Variants in BANP observed in about 807,000 individuals in gnomAD.
The protein encoded by BANP is BTG3 associated nuclear protein, also known as protein BANP.
A neutral mutation model predicts 68.1 loss-of-function variants in BANP; 11 were observed. That is an observed-to-expected ratio of 0.16 (90% CI 0.10 to 0.27). The LOEUF (loss-of-function observed/expected upper bound fraction) is 0.27. Ranked by LOEUF, BANP falls within the 10% of genes least tolerant of loss-of-function variation. The pLI is 1.00. For synonymous variants in BANP, 329 were observed against 303.2 expected (o/e 1.09, Z -0.88); for missense variants, 504 against 722.7 (o/e 0.70, Z 3.47).
chr16:87,962,354 G>A (rs2059347015), intron 1 of BANP, among the ~76,000 whole-genome samples: 1 of 151,746 alleles, frequency 6.6e-6, no homozygotes, highest in African/African-American at 2.4e-5. Context: ...TATGTAATGT[G>A]TTAATTTGTA....
intron 4 of BANP, among the ~76,000 whole-genome samples, chr16:87,989,141 A>G (rs1005031812): frequency 3.2e-4 from 49 of 152,366 alleles, no homozygotes; most frequent in African/African-American, 1.2e-3. Flanking sequence ...ATTTGAAGCT[A>G]AAGTTGAATC....
intron 2 of BANP, among the ~76,000 whole-genome samples, chr16:87,977,640 C>T (rs992100045): frequency 2.6e-5 from 4 of 152,138 alleles, no homozygotes; most frequent in African/African-American, 9.7e-5. Context: ...TAAAAATTTC[C>T]CATAATTCTA....
At chr16:87,979,525 A>G (rs1598036764) in intron 2 of BANP, among the ~76,000 whole-genome samples, 1 of 151,988 alleles carries the variant, frequency 6.6e-6, no homozygotes, top group Non-Finnish European at 1.5e-5. Context: ...AGGTGGCTGG[A>G]GGGTTGGCAG....
At chr16:88,035,107 G>T in intron 9 of BANP, 2 of 561,252 alleles carry the variant, frequency 3.6e-6, no homozygotes, top group Non-Finnish European at 6.5e-6. Context: ...GTGGGGGTAG[G>T]GGGTGCTTCT....
rs745549832 is a variant in BANP at position 88,072,051 on chromosome 16, C to T, written c.1378-18C>T. On this transcript the variant is annotated intron_variant, in intron 12 of 13. Coordinates refer to ENST00000682872, the MANE Select transcript of BANP (RefSeq NM_001386991.1). ...TGTGGGCCACGCCGCTGACGGGCCC[C>T]CGTGTGTCTCCCTCCAGGTGCTGCA... 11 of 1,557,502 alleles carry T rather than the reference C, an allele frequency of 7.1e-6. No individual in the cohort carries two copies. The highest frequency in any genetic ancestry group is 8.7e-6 in the Non-Finnish European group (10 of 1,153,246).
rs528765049 is a variant in BANP, at chr16:88,033,769, G to A, written c.1200+524G>A. ...AGCAAGTCAATGTCCTGCCTTGCCC[G>A]TGCGGAGTTCTCTATTGGGGTTTTG... On this transcript the variant is annotated intron_variant, in intron 9 of 13. Transcript: ENST00000682872. Among the ~76,000 whole-genome samples the A allele has an allele frequency of 1.1e-4, 17 of 152,338 alleles. No individual in the cohort carries two copies. In the East Asian group the frequency reaches 2.7e-3, roughly 24 times the overall value.
At position 87,957,525 on chromosome 16, in the gene BANP, G is replaced by A. The variant is rs2058329160; in HGVS notation, c.-69+6010G>A. Among the ~76,000 whole-genome samples, 1 of 152,354 alleles carries A rather than the reference G, an allele frequency of 6.6e-6. No individual in the cohort carries two copies. Among genetic ancestry groups the A allele is most frequent in the Middle Eastern group, 3.4e-3 (1 of 294 alleles). ...TTTTGAGGCAAGCTCACGGAGGCCT[G>A]CCGCAGGGCCCTGCGCTGACAAACC... On this transcript the variant is annotated intron_variant, in intron 1 of 13. Coordinates refer to ENST00000682872, the MANE Select transcript of BANP (RefSeq NM_001386991.1). This position sits in a 1 kb window ranked among gnomAD's most constrained non-coding sequence, Gnocchi z 4.3.
intron 1 of BANP, chr16:87,956,470 C>G (rs550809659): frequency 6.6e-6 from 1 of 152,214 alleles, no homozygotes; most frequent in Non-Finnish European, 1.5e-5. Flanking sequence ...CTTTGGGGGC[C>G]TGGGGGCCGT....
rs1186586699 is a variant in BANP at position 88,057,015 on chromosome 16, A to G, written c.1312-8252A>G. Among the ~76,000 whole-genome samples, 2 of 152,268 alleles carry G rather than the reference A, an allele frequency of 1.3e-5. No homozygotes were observed. The highest frequency in any genetic ancestry group is 4.8e-5 in the African/African-American group (2 of 41,464). On this transcript the variant is annotated intron_variant, in intron 11 of 13. Coordinates refer to ENST00000682872, the MANE Select transcript of BANP (RefSeq NM_001386991.1). This position sits in a 1 kb window ranked among gnomAD's most constrained non-coding sequence, Gnocchi z 4.6. ...AAACTCTGTAACTCAAAAAGCAGAA[A>G]AAGTGTGATTTCTGAATAACTTTAC...
chr16:87,981,489 G>C (rs2063268405), intron 3 of BANP, among the ~76,000 whole-genome samples: 1 of 152,028 alleles, frequency 6.6e-6, no homozygotes, highest in African/African-American at 2.4e-5. Context: ...TGATCTCATT[G>C]ACTAAATTAC....
intron 4 of BANP, among the ~76,000 whole-genome samples, chr16:87,985,348 G>A (rs1342735738): frequency 6.6e-6 from 1 of 152,198 alleles, no homozygotes; most frequent in East Asian, 1.9e-4. Flanking sequence ...GATCGTTCAC[G>A]TGTTACTCTG....
At chr16:88,034,731 A>C (rs909772686) in intron 9 of BANP, among the ~76,000 whole-genome samples, 1 of 152,230 alleles carries the variant, frequency 6.6e-6, no homozygotes, top group South Asian at 2.1e-4. Context: ...CTTGTTTAGT[A>C]ACATTTAAAG....
At chr16:88,059,554 C>T (rs1361068604) in intron 11 of BANP, among the ~76,000 whole-genome samples, 4 of 152,142 alleles carry the variant, frequency 2.6e-5, no homozygotes, top group African/African-American at 9.7e-5. Flanking sequence ...CCACAGGACC[C>T]TCCCCATCCC....
chr16:88,008,636 GTATCT>G (rs1299728065), intron 6 of BANP, among the ~76,000 whole-genome samples: 34 of 152,156 alleles, frequency 2.2e-4, no homozygotes, highest in Non-Finnish European at 4.9e-4. Context: ...GTATTGATCT[GTATCT>G]ATAAGGAAAA....
At chr16:88,015,619 G>A (rs531966023) in intron 6 of BANP, among the ~76,000 whole-genome samples, 8 of 152,228 alleles carry the variant, frequency 5.3e-5, no homozygotes, top group Non-Finnish European at 1.0e-4. Flanking sequence ...ACCCGTTCTC[G>A]TCTGAGGTCA....
At chr16:87,954,990 G>T (rs564076840) in intron 1 of BANP, among the ~76,000 whole-genome samples, 94 of 152,368 alleles carry the variant, frequency 6.2e-4, no homozygotes, top group Non-Finnish European at 9.1e-4. Flanking sequence ...GCGTGGGCTG[G>T]TGGCTCTGGC....
chr16:88,006,354 A>G, intron 6 of BANP, 89 bp downstream of exon 6: 6 of 1,460,696 alleles, frequency 4.1e-6, no homozygotes, highest in Non-Finnish European at 5.5e-6. Flanking sequence ...TTTTTAAAGA[A>G]GTGATACAGT....
Position 88,071,489 on chromosome 16 carries a change from C to T in BANP, c.1378-580C>T, listed in dbSNP as rs2090317550. ...CAAGGTCGGGAGGGCCAGCGGGGCTCTCTGCCACCAGGACTCACTTCCGCC... is the reference window on the plus strand; with the variant it reads ...CAAGGTCGGGAGGGCCAGCGGGGCTTTCTGCCACCAGGACTCACTTCCGCC... On this transcript the variant is annotated intron_variant, in intron 12 of 13. Transcript: ENST00000682872. The surrounding 1 kb of genome is among the most constrained non-coding windows in gnomAD (Gnocchi z 6.5). 2.2e-6 allele frequency: 1 copy of T among 456,266 alleles called. No homozygotes were observed. The highest frequency in any genetic ancestry group is 2.0e-5 in the African/African-American group (1 of 50,082). 28.3% of individuals were successfully genotyped at this position (456,266 alleles called of 1,614,324 possible).
intron 7 of BANP, among the ~76,000 whole-genome samples, chr16:88,023,924 G>T (rs545481441): frequency 5.3e-5 from 8 of 152,310 alleles, no homozygotes; most frequent in African/African-American, 1.9e-4. Flanking sequence ...GTGTAGTGTG[G>T]GGATATGGCT....
Sources: gnomAD v4.1 joint callset for allele counts (sites outside exome capture counted in the v4.1 genomes callset) on GRCh38, gnomAD v4.1.1 for gene constraint, Gnocchi (gnomAD v3.1) non-coding constraint, MANE v1.5 for transcripts, NCBI Gene and HGNC (gene_info 2026-07-23, HGNC 2026-07-21) for gene names.